PARP15: variants seen among roughly 807,000 people sequenced by gnomAD.
PARP15 encodes the protein poly(ADP-ribose) polymerase family member 15, also known as protein mono-ADP-ribosyltransferase PARP15.
Under a neutral mutation model 62.1 loss-of-function variants are expected in PARP15, and 50 were observed. The ratio of observed to expected loss-of-function variants is 0.81; its 90% CI spans 0.64 to 1.02. PARP15 has a LOEUF of 1.02. PARP15 is among the 50% of genes least tolerant of loss of function. PARP15 has a pLI of 0.00. For missense variants in PARP15, 820 were observed against 826.5 expected (o/e 0.99, Z 0.10); for synonymous variants, 309 against 293.1 (o/e 1.05, Z -0.55).
At chr3:122,596,046 C>T (rs544123937) in intron 1 of PARP15, among the ~76,000 whole-genome samples, 32 of 152,044 alleles carry the variant, frequency 2.1e-4, no homozygotes, top group Non-Finnish European at 3.5e-4. Flanking sequence ...GACTTCCATA[C>T]CTGGTTGTCT....
rs765008417 is a variant in PARP15, at chr3:122,636,036, AG to A, written c.1974del (p.Lys658AsnfsTer17). The A allele has an allele frequency of 1.2e-4, 200 of 1,614,088 alleles. 1 individual carries two copies. In the African/African-American group the frequency reaches 2.4e-3, roughly 19 times the overall value. The part of the protein sequence containing the change: ...DSVTNNTRSP[K>X]LFVVFFDNQA... Reference sequence around the variant, plus strand: ...GTGACAAACAATACACGATCTCCAAAGCTATTTGTGGTATTCTTTGATAATC... The same window carrying A: ...GTGACAAACAATACACGATCTCCAAACTATTTGTGGTATTCTTTGATAATC... On this transcript the variant is annotated frameshift_variant, in exon 12 of 12. Coordinates refer to ENST00000464300, the MANE Select transcript of PARP15 (RefSeq NM_001113523.3). LOFTEE classifies it high-confidence loss of function.
intron 3 of PARP15, 76 bp from the exon 4 acceptor site, chr3:122,612,965 T>C: frequency 7.7e-7 from 1 of 1,302,096 alleles, no homozygotes; most frequent in Non-Finnish European, 1.1e-6. Context: ...CTTGTCAGAG[T>C]TGCTGGGACC....
At chr3:122,634,243 T>C (rs576584998) in intron 10 of PARP15, among the ~76,000 whole-genome samples, 1 of 152,288 alleles carries the variant, frequency 6.6e-6, no homozygotes, top group Admixed American at 6.5e-5. Context: ...CATAGCCCCT[T>C]GTGTGTTCTC....
At chr3:122,601,951 T>C (rs949581741) in intron 1 of PARP15, among the ~76,000 whole-genome samples, 11 of 152,160 alleles carry the variant, frequency 7.2e-5, no homozygotes, top group African/African-American at 2.7e-4. Flanking sequence ...TTTTTTTCTT[T>C]CTTAAACAGG....
At chr3:122,621,723 G>A in intron 8 of PARP15, 112 bp downstream of exon 8, 1 of 1,020,098 alleles carries the variant, frequency 9.8e-7, no homozygotes, top group South Asian at 2.7e-5. Flanking sequence ...GAACAATGAT[G>A]TAAATCAGAG....
At chr3:122,620,721 G>T (rs937911343) in intron 7 of PARP15, among the ~76,000 whole-genome samples, 2 of 146,504 alleles carry the variant, frequency 1.4e-5, no homozygotes, top group African/African-American at 2.6e-5. Flanking sequence ...TGAGGAGGCT[G>T]CCTGGGAGGG....
intron 7 of PARP15, 99 bp downstream of exon 7, chr3:122,619,942 G>T: frequency 1.7e-6 from 2 of 1,152,116 alleles, no homozygotes; most frequent in Non-Finnish European, 2.6e-6. Context: ...AGTAAGTAGC[G>T]AGCAAAACTT....
intron 1 of PARP15, among the ~76,000 whole-genome samples, chr3:122,586,002 CAGTT>C (rs1380626458): frequency 1.3e-5 from 2 of 152,264 alleles, no homozygotes; most frequent in East Asian, 3.9e-4. Flanking sequence ...CACCTTAGTA[CAGTT>C]AGTTAAATAA....
chr3:122,621,560 G>A lies in PARP15; in HGVS notation c.1180G>A (p.Glu394Lys), dbSNP rs1222949689. 6.2e-7 allele frequency: 1 copy of A among 1,613,570 alleles called. No individual in the cohort carries two copies. The highest frequency in any genetic ancestry group is 8.5e-7 in the Non-Finnish European group (1 of 1,179,880). Residue 394 changes from glutamate (E) to lysine (K), a missense_variant, in exon 8 of 12, where the codon GAG (glutamate) becomes AAG (lysine). Around this residue, in one of 3 missense-constraint regions of PARP15, gnomAD observed 731 missense variants for 727.7 expected, o/e 1.00. Coordinates refer to ENST00000464300, the MANE Select transcript of PARP15 (RefSeq NM_001113523.3). ...VRKTVTSVLE[E>K]CEQRKYTSVS... ...GAAAACGGTCACCAGTGTTCTAGAA[G>A]AGTGTGAACAGAGGAAGTACACATC...
At chr3:122,598,340 C>G (rs1934517935) in intron 1 of PARP15, among the ~76,000 whole-genome samples, 1 of 152,198 alleles carries the variant, frequency 6.6e-6, no homozygotes, top group African/African-American at 2.4e-5. Context: ...AGCAGCTTAG[C>G]TGGGTGATTC....
Position 122,613,058 on chromosome 3 carries a change from C to T in PARP15, c.561C>T (p.Ile187=). The stretch of plus-strand genomic sequence containing the variant: ...CATTTCAGATCATGGCAAATATAAT[C>T]AAGAAATGTTTGACAACTGTAGAAG... ...ETSWQIMANI[I]KKCLTTVEVL... The change falls in exon 4 of 12, where the codon ATC becomes ATT. Residue 187 remains isoleucine (I), a synonymous_variant. Coordinates refer to ENST00000464300, the MANE Select transcript of PARP15 (RefSeq NM_001113523.3). The T allele has an allele frequency of 6.4e-7, 1 of 1,551,396 alleles. No individual in the cohort carries two copies. The highest frequency in any genetic ancestry group is 8.7e-7 in the Non-Finnish European group (1 of 1,146,502).
At chr3:122,624,966 C>T (rs1245841747) in intron 8 of PARP15, among the ~76,000 whole-genome samples, 1 of 152,004 alleles carries the variant, frequency 6.6e-6, no homozygotes, top group African/African-American at 2.4e-5. Context: ...AGGTTCAAAG[C>T]CATGCAGCCT....
At chr3:122,585,817 C>T (rs149711428) in intron 1 of PARP15, among the ~76,000 whole-genome samples, 158 of 152,306 alleles carry the variant, frequency 1.0e-3, no homozygotes, top group African/African-American at 3.6e-3. Flanking sequence ...AGTTTACCAC[C>T]CTGGTTGAGG....
chr3:122,589,430 G>A (rs559691585), intron 1 of PARP15, among the ~76,000 whole-genome samples: 11 of 152,212 alleles, frequency 7.2e-5, no homozygotes, highest in African/African-American at 2.6e-4. Context: ...ATGTTTTCAC[G>A]CCTCTTGGGT....
intron 9 of PARP15, among the ~76,000 whole-genome samples, chr3:122,630,933 T>A (rs1937026177): frequency 6.6e-6 from 1 of 152,192 alleles, no homozygotes; most frequent in African/African-American, 2.4e-5. Context: ...TGGTGTTATA[T>A]GTGTTCAATG....
intron 9 of PARP15, among the ~76,000 whole-genome samples, chr3:122,631,147 A>G (rs978502877): frequency 2.0e-5 from 3 of 152,228 alleles, no homozygotes; most frequent in Non-Finnish European, 4.4e-5. Context: ...ACTAGAAATG[A>G]TTAGGCAGAA....
At chr3:122,582,684 T>A (rs1208992609) in intron 1 of PARP15, among the ~76,000 whole-genome samples, 2 of 152,218 alleles carry the variant, frequency 1.3e-5, no homozygotes, top group Non-Finnish European at 2.9e-5. Context: ...ATGTTTATTG[T>A]GCTTCTTGGT....
chr3:122,585,108 A>G (rs1172342901), intron 1 of PARP15, among the ~76,000 whole-genome samples: 1 of 152,174 alleles, frequency 6.6e-6, no homozygotes, highest in Admixed American at 6.5e-5. Flanking sequence ...TTTGTCACCG[A>G]ACTAAACTGG....
intron 9 of PARP15, among the ~76,000 whole-genome samples, chr3:122,628,688 G>T (rs926222556): frequency 6.6e-6 from 1 of 152,190 alleles, no homozygotes; most frequent in Non-Finnish European, 1.5e-5. Context: ...GCAGACAACT[G>T]ACCCTCTGAG....
Sources: gnomAD v4.1 joint callset for allele counts (sites outside exome capture counted in the v4.1 genomes callset) on GRCh38, gnomAD v4.1.1 for gene constraint, gnomAD v4.1.1 regional missense constraint, MANE v1.5 for transcripts, NCBI Gene and HGNC (gene_info 2026-07-23, HGNC 2026-07-21) for gene names.